The following MBD1 variants were observed in gnomAD, a reference collection of about 807,000 sequenced individuals.
MBD1 encodes methyl-CpG binding domain protein 1.
MBD1 carries 25 observed loss-of-function variants against 82.6 expected under a neutral mutation model. The observed-to-expected ratio is 0.30, with a 90% CI of 0.22 to 0.42. The LOEUF is 0.42. Ranked by LOEUF, MBD1 falls within the 10% of genes least tolerant of loss-of-function variation. MBD1 has a pLI of 1.00. For missense variants in MBD1, 627 were observed against 819.6 expected (o/e 0.76, Z 2.87); for synonymous variants, 301 against 303.7 (o/e 0.99, Z 0.09).
chr18:50,268,135 C>A (rs747884309), downstream of MBD1, among the ~76,000 whole-genome samples: 1 of 152,248 alleles, frequency 6.6e-6, no homozygotes, highest in Non-Finnish European at 1.5e-5. Context: ...TCGAGTCCAA[C>A]GGGCTCCGGG....
chr18:50,279,060 AGAACCTG>A (rs1316186060), intron 2 of MBD1, among the ~76,000 whole-genome samples: 6 of 152,254 alleles, frequency 3.9e-5, no homozygotes, highest in African/African-American at 1.4e-4. Flanking sequence ...CCTGATCAGC[AGAACCTG>A]CATTGCATGC....
intron 7 of MBD1, 42 bp from the exon 8 acceptor site, chr18:50,275,770 G>A (rs113871614): frequency 6.2e-7 from 1 of 1,614,120 alleles, no homozygotes; most frequent in Admixed American, 1.7e-5. Context: ...ATGAAGCATG[G>A]GGCCAAGCCC....
chr18:50,275,515 G>T, intron 8 of MBD1, 85 bp downstream of exon 8: 1 of 1,608,956 alleles, frequency 6.2e-7, no homozygotes, highest in Non-Finnish European at 8.5e-7. Flanking sequence ...AAAGACATGA[G>T]GTAGGCAAGG....
intron 2 of MBD1, 107 bp downstream of exon 2, chr18:50,279,776 T>G (rs1173432899): frequency 1.9e-5 from 27 of 1,438,066 alleles, no homozygotes; most frequent in Non-Finnish European, 2.5e-5. Flanking sequence ...AAGGATTAAC[T>G]GTATGTGCAT....
chr18:50,276,064 G>A, intron 6 of MBD1, 83 bp from the exon 7 acceptor site: 1 of 1,529,712 alleles, frequency 6.5e-7, no homozygotes, highest in Non-Finnish European at 8.8e-7. Flanking sequence ...ACATCAGCTG[G>A]CATCACCATG....
intron 10 of MBD1, among the ~76,000 whole-genome samples, chr18:50,274,681 T>C (rs1206715705): frequency 1.3e-5 from 2 of 152,158 alleles, no homozygotes; most frequent in Non-Finnish European, 2.9e-5. Flanking sequence ...TAACTCTCTA[T>C]TAGCTCCCAT....
intron 2 of MBD1, among the ~76,000 whole-genome samples, chr18:50,278,823 T>C (rs1001754266): frequency 3.9e-5 from 6 of 152,248 alleles, no homozygotes; most frequent in African/African-American, 1.4e-4. Context: ...TGTGTGTTTC[T>C]GTTTAAACAC....
intron 1 of MBD1, among the ~76,000 whole-genome samples, chr18:50,280,428 A>C (rs894572021): frequency 2.6e-5 from 4 of 151,276 alleles, no homozygotes; most frequent in Non-Finnish European, 4.4e-5. Context: ...CTCAGCCCCA[A>C]AGGGCCCCAT....
chr18:50,267,354 A>T, downstream of MBD1: 1 of 510,468 alleles, frequency 2.0e-6, no homozygotes, highest in Admixed American at 3.3e-5. Context: ...AATAATAATA[A>T]TTTTTTAAAA....
At chr18:50,274,950 T>C in intron 10 of MBD1, 27 bp downstream of exon 10, 5 of 1,612,722 alleles carry the variant, frequency 3.1e-6, no homozygotes, top group Non-Finnish European at 4.2e-6. Flanking sequence ...GATTCTAGGC[T>C]TATCCAGGTA....
intron 16 of MBD1, chr18:50,270,179 G>C: frequency 3.1e-6 from 5 of 1,596,704 alleles, no homozygotes; most frequent in Non-Finnish European, 4.2e-6. Flanking sequence ...AGGTGGCAGA[G>C]GCTGGACTGT....
downstream of MBD1, chr18:50,267,302 A>G (rs1599142909): frequency 1.0e-5 from 4 of 387,950 alleles, no homozygotes; most frequent in East Asian, 1.7e-4. Flanking sequence ...GCTAAGGCAA[A>G]GCTCAGGGAG....
At chr18:50,276,442 G>C (rs748128039) in intron 5 of MBD1, 24 bp from the exon 6 acceptor site, 1 of 1,613,128 alleles carries the variant, frequency 6.2e-7, no homozygotes, top group Non-Finnish European at 8.5e-7. Flanking sequence ...GAGGGAAGAA[G>C]AAAAGTGGAA....
At chr18:50,277,538 T>C (rs2038470187) in intron 2 of MBD1, among the ~76,000 whole-genome samples, 1 of 149,366 alleles carries the variant, frequency 6.7e-6, no homozygotes, top group African/African-American at 2.5e-5. Flanking sequence ...AACACAAATA[T>C]AACATATAAA....
rs1334926590 is a variant in MBD1 at position 50,276,740 on chromosome 18, A to G, written c.397T>C (p.Cys133Arg). 1.2e-6 allele frequency: 2 copies of G among 1,614,210 alleles called. No individual in the cohort carries two copies. The highest frequency in any genetic ancestry group is 1.7e-6 in the Non-Finnish European group (2 of 1,180,028). The change falls in exon 5 of 17, where the codon TGT becomes CGT. Residue 133 changes from cysteine (C) to arginine (R), a missense_variant. Transcript: ENST00000269468. ...GAGAAGCTGATTCCACAGTTCTCAC[A>G]GCACCTGGGATGGGAAAGGCAGGTG... ...APASFPAPGCCENCGISFSGD... is the reference protein window; with the variant it reads ...APASFPAPGCRENCGISFSGD...
chr18:50,280,154 A>G, intron 1 of MBD1, 137 bp from the exon 2 acceptor site: 1 of 726,618 alleles, frequency 1.4e-6, no homozygotes, highest in South Asian at 1.9e-5. Flanking sequence ...CAGCCCATAT[A>G]TGGAAAAGAA....
intron 10 of MBD1, 112 bp from the exon 11 acceptor site, chr18:50,274,465 T>C (rs1030638126): frequency 9.3e-6 from 11 of 1,178,950 alleles, no homozygotes; most frequent in Admixed American, 2.2e-5. Context: ...ACGGAGCTAC[T>C]TGCATACTAG....
rs115265926 is a variant in MBD1 at position 50,273,965 on chromosome 18, C to T, written c.1147-102G>A. On this transcript the variant is annotated intron_variant, in intron 11 of 16. Coordinates refer to ENST00000269468, the MANE Select transcript of MBD1 (RefSeq NM_015846.4). ...TGCTAATCTCCCATCAGTCCCAGCA[C>T]GGAATCTGCTTACATATGAGCCCTT... The T allele has an allele frequency of 6.6e-4, 979 of 1,483,152 alleles. 5 individuals are homozygous for T. The African/African-American group carries it at 0.011, about 17-fold the overall frequency. 91.9% of individuals were successfully genotyped at this position (1,483,152 alleles called of 1,614,324 possible).
At chr18:50,279,794 A>T in intron 2 of MBD1, 89 bp downstream of exon 2, 2 of 1,540,158 alleles carry the variant, frequency 1.3e-6, no homozygotes, top group Non-Finnish European at 1.8e-6. Flanking sequence ...CATAATTTAA[A>T]CTTCATCCAT....
Sources: allele counts gnomAD v4.1 joint callset (sites outside exome capture counted in the v4.1 genomes callset), GRCh38; gene constraint gnomAD v4.1.1; transcripts MANE v1.5; gene names NCBI Gene and HGNC (gene_info 2026-07-23, HGNC 2026-07-21).